Variants in COMMD10 observed in about 807,000 individuals in gnomAD.
The protein encoded by COMMD10 is COMM domain containing 10, also known as COMM domain-containing protein 10.
A neutral mutation model predicts 28.9 loss-of-function variants in COMMD10; 33 were observed. The ratio of observed to expected loss-of-function variants is 1.14; its 90% CI spans 0.87 to 1.53. COMMD10 has a LOEUF of 1.53. COMMD10 is among the 40% of genes most tolerant of loss of function. The pLI is 0.00. For synonymous variants in COMMD10, 110 were observed against 81.7 expected (o/e 1.35, Z -1.87); for missense variants, 310 against 233.4 (o/e 1.33, Z -2.14).
chr5:116,251,109 G>A (rs905158367), intron 5 of COMMD10, among the ~76,000 whole-genome samples: 7 of 151,884 alleles, frequency 4.6e-5, no homozygotes, highest in South Asian at 4.1e-4. Context: ...GAAGATAGGT[G>A]CAACCTGTTT....
chr5:116,248,293 T>C lies in COMMD10; in HGVS notation c.511-43224T>C, dbSNP rs78843270. ...ACTTAAGTGTAGCTTTTGGACAGCA[T>C]TGAAAGTTTCAGATACAGATGGATA... is the stretch of plus-strand genomic sequence containing the variant. On this transcript the variant is annotated intron_variant, in intron 5 of 6. Transcript: ENST00000274458. Among the ~76,000 whole-genome samples the C allele has an allele frequency of 4.3e-3, 655 of 152,088 alleles. 15 individuals are homozygous for C. In the East Asian group the frequency reaches 0.068, roughly 16 times the overall value.
chr5:116,106,802 C>G (rs748706286), intron 4 of COMMD10, among the ~76,000 whole-genome samples: 4 of 152,102 alleles, frequency 2.6e-5, no homozygotes, highest in African/African-American at 9.7e-5. Context: ...ATTGCAACCC[C>G]TCCTTTTTTT....
At chr5:116,134,276 CAT>C (rs1428388919) in intron 5 of COMMD10, 98 bp downstream of exon 5, 3 of 677,838 alleles carry the variant, frequency 4.4e-6, no homozygotes, top group African/African-American at 3.6e-5. Context: ...AGAATTTAAA[CAT>C]AATTCAGTTA....
intron 5 of COMMD10, among the ~76,000 whole-genome samples, chr5:116,241,488 C>CTGTA (rs1274245688): frequency 3.9e-5 from 6 of 152,096 alleles, no homozygotes; most frequent in African/African-American, 1.4e-4. Flanking sequence ...GTGCCACAGA[C>CTGTA]TGTACGTAAG....
chr5:116,091,635 C>T (rs1377123749), intron 3 of COMMD10, among the ~76,000 whole-genome samples: 4 of 152,088 alleles, frequency 2.6e-5, no homozygotes, highest in Admixed American at 2.6e-4. Flanking sequence ...AGCTGTGACC[C>T]CTTATACTTC....
chr5:116,207,476 C>G (rs903360180), intron 5 of COMMD10, among the ~76,000 whole-genome samples: 9 of 152,058 alleles, frequency 5.9e-5, no homozygotes, highest in Admixed American at 3.9e-4. Context: ...CAGTTTCTCT[C>G]AACTGGTTTC....
intron 4 of COMMD10, among the ~76,000 whole-genome samples, chr5:116,113,628 G>A (rs1031445353): frequency 6.6e-6 from 1 of 151,756 alleles, no homozygotes; most frequent in African/African-American, 2.4e-5. Flanking sequence ...GAATTTTTTA[G>A]TTCCAGGATT....
chr5:116,163,668 TAG>T (rs1228341846), intron 5 of COMMD10, among the ~76,000 whole-genome samples: 2 of 152,166 alleles, frequency 1.3e-5, no homozygotes, highest in Non-Finnish European at 2.9e-5. Context: ...GAATAGTTTA[TAG>T]TATATAGGGT....
At chr5:116,212,106 G>C (rs1748981560) in intron 5 of COMMD10, among the ~76,000 whole-genome samples, 1 of 152,010 alleles carries the variant, frequency 6.6e-6, no homozygotes, top group African/African-American at 2.4e-5. Flanking sequence ...TCCTTCCCCT[G>C]AACACAACTT....
At chr5:116,112,274 A>T (rs2112738355) in intron 4 of COMMD10, among the ~76,000 whole-genome samples, 1 of 152,076 alleles carries the variant, frequency 6.6e-6, no homozygotes, top group East Asian at 1.9e-4. Flanking sequence ...AAATATAGCT[A>T]CCTCTGCTTG....
At chr5:116,103,391 G>A (rs1750729208) in intron 4 of COMMD10, among the ~76,000 whole-genome samples, 1 of 152,098 alleles carries the variant, frequency 6.6e-6, no homozygotes, top group African/African-American at 2.4e-5. Context: ...TCTCATTGTG[G>A]TTTTGATTTG....
chr5:116,221,129 A>G (rs898754229), intron 5 of COMMD10, among the ~76,000 whole-genome samples: 5 of 147,388 alleles, frequency 3.4e-5, no homozygotes, highest in Non-Finnish European at 5.9e-5. Context: ...GGCACCTTTG[A>G]GATACACTTT....
At chr5:116,288,791 T>G (rs367923543) in intron 5 of COMMD10, among the ~76,000 whole-genome samples, 1 of 151,576 alleles carries the variant, frequency 6.6e-6, no homozygotes, top group African/African-American at 2.4e-5. Context: ...TTCTTTTTTA[T>G]AGTTTCTGTG....
At chr5:116,148,443 G>C (rs1320790177) in intron 5 of COMMD10, among the ~76,000 whole-genome samples, 2 of 151,624 alleles carry the variant, frequency 1.3e-5, no homozygotes, top group Non-Finnish European at 2.9e-5. Context: ...CATTATAAAG[G>C]GGTAATTTTA....
chr5:116,186,207 G>A (rs1222259466), intron 5 of COMMD10, among the ~76,000 whole-genome samples: 2 of 152,114 alleles, frequency 1.3e-5, no homozygotes, highest in African/African-American at 4.8e-5. Context: ...TCACCCCGCA[G>A]TCAAACTTTT....
chr5:116,108,600 G>A (rs768943801), intron 4 of COMMD10, among the ~76,000 whole-genome samples: 3 of 152,198 alleles, frequency 2.0e-5, no homozygotes, highest in African/African-American at 4.8e-5. Context: ...AGAATTTCAC[G>A]TCGGTGGATC....
intron 5 of COMMD10, among the ~76,000 whole-genome samples, chr5:116,266,548 C>A (rs1240963729): frequency 6.6e-6 from 1 of 151,776 alleles, no homozygotes; most frequent in Non-Finnish European, 1.5e-5. Flanking sequence ...ACAGGAACTA[C>A]TTCTATTACA....
chr5:116,120,665 A>T (rs1224850699), intron 4 of COMMD10, among the ~76,000 whole-genome samples: 2 of 152,086 alleles, frequency 1.3e-5, no homozygotes, highest in African/African-American at 4.8e-5. Context: ...AAATGGACTT[A>T]CAGATATACT....
intron 5 of COMMD10, among the ~76,000 whole-genome samples, chr5:116,148,444 G>C (rs972929839): frequency 1.3e-5 from 2 of 151,530 alleles, no homozygotes; most frequent in African/African-American, 4.8e-5. Context: ...ATTATAAAGG[G>C]GTAATTTTAC....
Sources: gnomAD v4.1 joint callset for allele counts (sites outside exome capture counted in the v4.1 genomes callset) on GRCh38, gnomAD v4.1.1 for gene constraint, MANE v1.5 for transcripts, NCBI Gene and HGNC (gene_info 2026-07-23, HGNC 2026-07-21) for gene names.